Variants in SDK1 observed in about 807,000 individuals in gnomAD.
SDK1 encodes sidekick cell adhesion molecule 1.
A neutral mutation model predicts 245.5 loss-of-function variants in SDK1; 157 were observed. The ratio of observed to expected loss-of-function variants is 0.64; its 90% CI spans 0.56 to 0.73. The LOEUF is 0.73. Ranked by LOEUF, SDK1 falls within the 30% of genes least tolerant of loss-of-function variation. The probability of loss-of-function intolerance (pLI) is 0.00; values close to 1 mark genes in which losing one functional copy is unlikely to be tolerated. For synonymous variants in SDK1, 1,647 were observed against 1,278.5 expected (o/e 1.29, Z -6.15); for missense variants, 3,583 against 3,002.3 (o/e 1.19, Z -4.52).
At chr7:3,562,632 A>G (rs561935576) in intron 1 of SDK1, among the ~76,000 whole-genome samples, 6 of 152,108 alleles carry the variant, frequency 3.9e-5, no homozygotes, top group Non-Finnish European at 8.8e-5. Flanking sequence ...TTTTAAAACT[A>G]TTTTTTCTAA....
intron 4 of SDK1, among the ~76,000 whole-genome samples, chr7:3,666,812 A>T (rs1486251947): frequency 6.6e-6 from 1 of 152,154 alleles, no homozygotes; most frequent in African/African-American, 2.4e-5. Flanking sequence ...CAGGTGGTCC[A>T]TGCCTTCCTA....
chr7:3,917,634 CT>C (rs1020266817), intron 5 of SDK1, among the ~76,000 whole-genome samples: 4 of 152,150 alleles, frequency 2.6e-5, no homozygotes, highest in South Asian at 2.1e-4. Flanking sequence ...ATGAACCACA[CT>C]CCTTACCCAG....
intron 1 of SDK1, among the ~76,000 whole-genome samples, chr7:3,569,402 C>A (rs1281030664): frequency 6.6e-6 from 1 of 152,190 alleles, no homozygotes; most frequent in African/African-American, 2.4e-5. Flanking sequence ...ATGAGATAAT[C>A]TCTGAGAAGT....
At chr7:3,502,179 T>C (rs971123151) in intron 1 of SDK1, among the ~76,000 whole-genome samples, 5 of 152,066 alleles carry the variant, frequency 3.3e-5, no homozygotes, top group African/African-American at 1.2e-4. Context: ...TCAAAGAATT[T>C]TGACATTAGT....
intron 1 of SDK1, among the ~76,000 whole-genome samples, chr7:3,548,630 C>G (rs1481524339): frequency 3.3e-5 from 5 of 152,154 alleles, no homozygotes; most frequent in Non-Finnish European, 4.4e-5. Flanking sequence ...GGCACCCAGG[C>G]TTTTGAAATA....
intron 44 of SDK1, among the ~76,000 whole-genome samples, chr7:4,262,018 CTTTTTTTTTT>C (rs34610558): frequency 1.9e-3 from 112 of 59,262 alleles, no homozygotes; most frequent in Non-Finnish European, 3.0e-3. Flanking sequence ...CTGCTTTCTC[CTTTTTTTTTT>C]TTTTTTTTTT....
At chr7:3,533,784 C>A (rs1057387214) in intron 1 of SDK1, among the ~76,000 whole-genome samples, 1 of 151,924 alleles carries the variant, frequency 6.6e-6, no homozygotes, top group African/African-American at 2.4e-5. Context: ...GCTTCCCCCG[C>A]CCCCCATTCC....
In SDK1 at chr7:4,098,825, T is replaced by C. The variant is rs10233401; in HGVS notation, c.3325-11838T>C. On this transcript the variant is annotated intron_variant, in intron 22 of 44. Coordinates refer to ENST00000404826, the MANE Select transcript of SDK1 (RefSeq NM_152744.4). ...ATTACAGGAGCACACCACAATGCCC[T>C]TTTTTTTTTTTTTTTTTTTTTTTTT... is the stretch of plus-strand genomic sequence containing the variant. Among the ~76,000 whole-genome samples, 107 of 50,596 alleles carry C rather than the reference T, an allele frequency of 2.1e-3. 1 individual carries two copies. In the African/African-American group the frequency reaches 0.024, roughly 11 times the overall value. 33.2% of individuals were successfully genotyped at this position (50,596 alleles called of 152,430 possible). A position where few individuals can be genotyped will look rare whatever the true frequency, so the allele number is the denominator to read the frequency against.
Position 4,032,602 on chromosome 7 carries a change from G to A in SDK1, c.2602+15250G>A, listed in dbSNP as rs968238627. The stretch of plus-strand genomic sequence containing the variant: ...ATATATGATATCTGGAAACTACTAT[G>A]AGCAATAAAGAATTTAGCAAACTAG... On this transcript the variant is annotated intron_variant, in intron 17 of 44. Transcript: ENST00000404826. Among the ~76,000 whole-genome samples, 8 of 140,370 alleles carry A rather than the reference G, an allele frequency of 5.7e-5. No individual in the cohort carries two copies. In the East Asian group the frequency reaches 1.5e-3, roughly 27 times the overall value. 92.1% of individuals were successfully genotyped at this position (140,370 alleles called of 152,430 possible). A position where few individuals can be genotyped will look rare whatever the true frequency, so the allele number is the denominator to read the frequency against.
At chr7:3,689,393 T>C (rs2060184) in intron 4 of SDK1, among the ~76,000 whole-genome samples, 125,097 of 152,062 alleles carry the variant, frequency 0.82, 51,602 homozygotes, top group Non-Finnish European at 0.85. Flanking sequence ...CATCCTGCCG[T>C]TATAAGACAG....
chr7:4,120,175 G>A (rs1783967282), intron 25 of SDK1, among the ~76,000 whole-genome samples: 1 of 148,736 alleles, frequency 6.7e-6, no homozygotes, highest in South Asian at 2.2e-4. Context: ...TAGCTAATAG[G>A]ACTCGAAAGA....
At chr7:3,707,589 C>A (rs1369841208) in intron 4 of SDK1, among the ~76,000 whole-genome samples, 1 of 152,116 alleles carries the variant, frequency 6.6e-6, no homozygotes, top group African/African-American at 2.4e-5. Context: ...GAGTTTAAGT[C>A]CATTGTTTGT....
chr7:4,268,604 A>G lies in SDK1; in HGVS notation c.*3220A>G. ...GAGGCCGTGTTTGTATCTAACTGTG[A>G]CTGGGCTGAAGCATGATGTTTGCCT... On this transcript the variant is annotated 3_prime_UTR_variant, in exon 45 of 45. Transcript: ENST00000404826. The G allele has an allele frequency of 2.9e-6, 4 of 1,365,360 alleles. No individual in the cohort carries two copies. The highest frequency in any genetic ancestry group is 3.9e-6 in the Non-Finnish European group (4 of 1,020,512). 84.6% of individuals were successfully genotyped at this position (1,365,360 alleles called of 1,614,324 possible).
intron 1 of SDK1, among the ~76,000 whole-genome samples, chr7:3,412,304 A>G (rs73298394): frequency 0.01 from 1,566 of 152,290 alleles, 32 homozygotes; most frequent in African/African-American, 0.036. Flanking sequence ...ACAAACATGT[A>G]TACTATTTCT....
At chr7:3,948,959 C>A (rs114394016) in intron 5 of SDK1, among the ~76,000 whole-genome samples, 1 of 152,204 alleles carries the variant, frequency 6.6e-6, no homozygotes, top group Non-Finnish European at 1.5e-5. Flanking sequence ...CTTCTCCGGC[C>A]GTTTCTCCTC....
At chr7:3,501,848 C>T (rs1164011342) in intron 1 of SDK1, among the ~76,000 whole-genome samples, 1 of 152,094 alleles carries the variant, frequency 6.6e-6, no homozygotes, top group Admixed American at 6.5e-5. Flanking sequence ...TTGATGTTCT[C>T]TAAGATTCTG....
chr7:3,372,315 T>G (rs564542456), intron 1 of SDK1, among the ~76,000 whole-genome samples: 249 of 152,244 alleles, frequency 1.6e-3, no homozygotes, highest in African/African-American at 5.8e-3. Context: ...ACACAACTGA[T>G]CAGGAAGTTG....
chr7:4,107,927 G>A (rs1783051348), intron 22 of SDK1, among the ~76,000 whole-genome samples: 1 of 152,116 alleles, frequency 6.6e-6, no homozygotes, highest in Non-Finnish European at 1.5e-5. Context: ...CTCTTTTTCT[G>A]GGCCTCAGCT....
chr7:3,465,464 G>A (rs1340573208), intron 1 of SDK1, among the ~76,000 whole-genome samples: 1 of 152,122 alleles, frequency 6.6e-6, no homozygotes, highest in African/African-American at 2.4e-5. Flanking sequence ...TTTCCACTAG[G>A]GATACTCTCT....
Sources: gnomAD v4.1 joint callset for allele counts (sites outside exome capture counted in the v4.1 genomes callset) on GRCh38, gnomAD v4.1.1 for gene constraint, MANE v1.5 for transcripts, NCBI Gene and HGNC (gene_info 2026-07-23, HGNC 2026-07-21) for gene names.